Variants in TMEM163 observed in about 807,000 individuals in gnomAD.
TMEM163 encodes the protein transmembrane protein 163.
In TMEM163, 17 loss-of-function variants were observed where a neutral mutation model predicts 29.3. That is an observed-to-expected ratio of 0.58 (90% CI 0.40 to 0.87). The LOEUF (loss-of-function observed/expected upper bound fraction) is 0.87, where lower values mean the gene tolerates loss of function less well. Among genes scored for constraint, TMEM163 ranks in the 40% least tolerant of loss-of-function variants. The pLI is 0.00. For missense variants in TMEM163, 303 were observed against 381.5 expected (o/e 0.79, Z 1.71); for synonymous variants, 157 against 160.6 (o/e 0.98, Z 0.17).
chr2:134,624,649 C>G (rs1682810633), intron 2 of TMEM163, among the ~76,000 whole-genome samples: 1 of 152,134 alleles, frequency 6.6e-6, no homozygotes, highest in African/African-American at 2.4e-5. Context: ...TGGCTCACGC[C>G]TGTAATCCCA....
chr2:134,463,009 C>G (rs960983716), intron 6 of TMEM163, among the ~76,000 whole-genome samples: 2 of 152,236 alleles, frequency 1.3e-5, no homozygotes, highest in Non-Finnish European at 2.9e-5. Context: ...GCCTGGGAAC[C>G]AGCCGAGGAG....
At chr2:134,487,562 T>C (rs1679341500) in intron 5 of TMEM163, among the ~76,000 whole-genome samples, 1 of 152,228 alleles carries the variant, frequency 6.6e-6, no homozygotes. Context: ...TTGAAATTCG[T>C]ATGGAATATT....
chr2:134,667,552 C>T (rs1364314868), intron 2 of TMEM163, among the ~76,000 whole-genome samples: 2 of 152,232 alleles, frequency 1.3e-5, no homozygotes, highest in African/African-American at 4.8e-5. Flanking sequence ...TGTGTCATTA[C>T]AGCAGCCCTG....
At chr2:134,675,450 A>C (rs987293168) in intron 2 of TMEM163, among the ~76,000 whole-genome samples, 1 of 152,180 alleles carries the variant, frequency 6.6e-6, no homozygotes, top group African/African-American at 2.4e-5. Flanking sequence ...CTGACCATCT[A>C]ATGACTAATC....
At chr2:134,471,898 G>C (rs1414776600) in intron 5 of TMEM163, among the ~76,000 whole-genome samples, 1 of 152,188 alleles carries the variant, frequency 6.6e-6, no homozygotes, top group Non-Finnish European at 1.5e-5. Flanking sequence ...CTCATCTAAG[G>C]CCTTATCATC....
chr2:134,673,947 C>T (rs896350420), intron 2 of TMEM163, among the ~76,000 whole-genome samples: 3 of 152,200 alleles, frequency 2.0e-5, no homozygotes, highest in Non-Finnish European at 4.4e-5. Context: ...AATTACTATA[C>T]GGAATCAGAA....
intron 5 of TMEM163, among the ~76,000 whole-genome samples, chr2:134,491,107 G>A (rs1286025238): frequency 3.3e-5 from 5 of 149,650 alleles, no homozygotes; most frequent in African/African-American, 1.2e-4. Flanking sequence ...CATTCCAGAT[G>A]GAAACATGAA....
intron 5 of TMEM163, among the ~76,000 whole-genome samples, chr2:134,478,687 A>G (rs1686975316): frequency 6.6e-6 from 1 of 152,162 alleles, no homozygotes; most frequent in African/African-American, 2.4e-5. Context: ...AGTTTGCAAA[A>G]TTTGCAGCCT....
At chr2:134,606,634 G>A (rs1011549680) in intron 2 of TMEM163, among the ~76,000 whole-genome samples, 7 of 152,132 alleles carry the variant, frequency 4.6e-5, no homozygotes, top group African/African-American at 9.7e-5. Context: ...GTGTCATCGC[G>A]CCCCAGCACC....
chr2:134,593,109 A>ACG (rs2104803623), intron 2 of TMEM163, among the ~76,000 whole-genome samples: 1 of 152,304 alleles, frequency 6.6e-6, no homozygotes, highest in South Asian at 2.1e-4. Flanking sequence ...TTAAGATGCT[A>ACG]CGAGCTCTGA....
chr2:134,577,588 GGA>G (rs1233065499), intron 2 of TMEM163, among the ~76,000 whole-genome samples: 1 of 152,164 alleles, frequency 6.6e-6, no homozygotes, highest in African/African-American at 2.4e-5. Context: ...TGCAGGGCCA[GGA>G]GAGAGGGGGC....
rs567331858 is a variant in TMEM163 at position 134,532,988 on chromosome 2, T to C, written c.458+17582A>G. Among the ~76,000 whole-genome samples the C allele has an allele frequency of 1.1e-4, 16 of 152,318 alleles. No homozygotes were observed. In the East Asian group the frequency reaches 2.3e-3, roughly 22 times the overall value. On this transcript the variant is annotated intron_variant, in intron 4 of 7. Transcript: ENST00000281924. Reference sequence around the variant, plus strand: ...CCTTCATTCTCATTCAGAATATGTGTTGGGCTAGGACACACTATGGACGTT... The same window carrying C: ...CCTTCATTCTCATTCAGAATATGTGCTGGGCTAGGACACACTATGGACGTT...
chr2:134,516,715 A>G (rs1282756170), intron 4 of TMEM163, among the ~76,000 whole-genome samples: 1 of 67,960 alleles, frequency 1.5e-5, no homozygotes, highest in African/African-American at 4.0e-5. Flanking sequence ...ATATATACAT[A>G]TATATTCATA....
intron 2 of TMEM163, among the ~76,000 whole-genome samples, chr2:134,615,092 A>C (rs1194694564): frequency 6.6e-6 from 1 of 152,180 alleles, no homozygotes; most frequent in African/African-American, 2.4e-5. Context: ...CATGTACTAA[A>C]GGTCTTCAAA....
intron 4 of TMEM163, among the ~76,000 whole-genome samples, chr2:134,518,154 A>G (rs1680115222): frequency 6.6e-6 from 1 of 152,232 alleles, no homozygotes; most frequent in Non-Finnish European, 1.5e-5. Flanking sequence ...CAGAGCAATG[A>G]TATTTAATTA....
intron 2 of TMEM163, among the ~76,000 whole-genome samples, chr2:134,630,632 G>A (rs914217987): frequency 6.6e-6 from 1 of 152,148 alleles, no homozygotes; most frequent in Non-Finnish European, 1.5e-5. Flanking sequence ...AGACTGTGCT[G>A]AGAAATCAGA....
At chr2:134,522,356 G>A (rs1377403588) in intron 4 of TMEM163, among the ~76,000 whole-genome samples, 2 of 152,242 alleles carry the variant, frequency 1.3e-5, no homozygotes, top group Non-Finnish European at 2.9e-5. Context: ...CACAGAGAAG[G>A]AATGCGTTTG....
chr2:134,567,547 C>A (rs954552702), intron 2 of TMEM163, among the ~76,000 whole-genome samples: 1 of 152,080 alleles, frequency 6.6e-6, no homozygotes, highest in African/African-American at 2.4e-5. Context: ...CAAAATTAGC[C>A]GAGTATGGTG....
At chr2:134,677,163 G>A (rs1472956475) in intron 2 of TMEM163, among the ~76,000 whole-genome samples, 2 of 152,152 alleles carry the variant, frequency 1.3e-5, no homozygotes, top group Non-Finnish European at 2.9e-5. Context: ...CGCAGACCTC[G>A]TGGCTTTGGC....
Sources: allele counts gnomAD v4.1 joint callset (sites outside exome capture counted in the v4.1 genomes callset), GRCh38; gene constraint gnomAD v4.1.1; transcripts MANE v1.5; gene names NCBI Gene and HGNC (gene_info 2026-07-23, HGNC 2026-07-21).